The following ABCA9 variants were observed in gnomAD, a reference collection of about 807,000 sequenced individuals.
ABCA9 encodes the protein ATP-binding cassette sub-family A member 9.
A neutral mutation model predicts 205.3 loss-of-function variants in ABCA9; 183 were observed. The ratio of observed to expected loss-of-function variants is 0.89; its 90% CI spans 0.79 to 1.01. The LOEUF is 1.01. Among genes scored for constraint, ABCA9 ranks in the 50% least tolerant of loss-of-function variants. ABCA9 has a pLI of 0.00. For missense variants in ABCA9, 1,805 were observed against 1,912.4 expected (o/e 0.94, Z 1.05); for synonymous variants, 651 against 683.3 (o/e 0.95, Z 0.74).
chr17:68,985,177 C>T, intron 32 of ABCA9, 49 bp from the exon 33 acceptor site: 1 of 1,611,930 alleles, frequency 6.2e-7, no homozygotes, highest in Non-Finnish European at 8.5e-7. Flanking sequence ...GGCGAATGTA[C>T]ATGGGAGAAT....
intron 1 of ABCA9, among the ~76,000 whole-genome samples, chr17:69,055,358 A>G (rs2072037186): frequency 6.6e-6 from 1 of 152,212 alleles, no homozygotes; most frequent in African/African-American, 2.4e-5. Context: ...TAACTATATT[A>G]ATTTCAGATG....
At chr17:68,998,228 C>T (rs1598348568) in intron 25 of ABCA9, among the ~76,000 whole-genome samples, 1 of 152,326 alleles carries the variant, frequency 6.6e-6, no homozygotes, top group East Asian at 1.9e-4. Flanking sequence ...ATAATTAAAG[C>T]TGCTATAAAC....
At chr17:69,058,014 A>T (rs2072121723) in intron 1 of ABCA9, among the ~76,000 whole-genome samples, 2 of 152,218 alleles carry the variant, frequency 1.3e-5, no homozygotes, top group South Asian at 4.1e-4. Flanking sequence ...AGGGAGAATA[A>T]CAACGATGGT....
At chr17:69,015,215 C>G (rs1313438875) in intron 22 of ABCA9, among the ~76,000 whole-genome samples, 1 of 152,182 alleles carries the variant, frequency 6.6e-6, no homozygotes, top group Non-Finnish European at 1.5e-5. Flanking sequence ...ACTACCCACC[C>G]TCTTCCATGC....
At chr17:68,982,097 A>G (rs1228806532) in intron 37 of ABCA9, among the ~76,000 whole-genome samples, 1 of 152,214 alleles carries the variant, frequency 6.6e-6, no homozygotes, top group Non-Finnish European at 1.5e-5. Context: ...GCATCTATCA[A>G]TAGATGGCTA....
chr17:69,018,303 T>A, intron 20 of ABCA9, 110 bp downstream of exon 20: 1 of 1,005,898 alleles, frequency 9.9e-7, no homozygotes, highest in Non-Finnish European at 1.4e-6. Context: ...GCCTCATATA[T>A]GCTTTCTAAA....
At chr17:69,034,741 G>T (rs1297145267) in intron 8 of ABCA9, 1 of 152,184 alleles carries the variant, frequency 6.6e-6, no homozygotes, top group African/African-American at 2.4e-5. Context: ...TACTTCAGTA[G>T]TTGGGCAGAA....
chr17:68,992,247 A>G lies in ABCA9; in HGVS notation c.3644T>C (p.Ile1215Thr). The change falls in exon 28 of 39, where the codon ATT becomes ACT. Residue 1215 changes from isoleucine to threonine, a missense_variant. By Grantham distance (89) the Ile-to-Thr change is moderately conservative. Coordinates refer to ENST00000340001, the MANE Select transcript of ABCA9 (RefSeq NM_080283.4). ...ALLIPYLHFL[I>T]FLFILRCLEM... ...TAGGCATCGCAGAATGAAAAGAAAA[A>G]TGAGAAAATGAAGGTAAGGCTAGGG... 4 of 1,594,322 alleles carry G rather than the reference A, an allele frequency of 2.5e-6. No homozygotes were observed. Among genetic ancestry groups the G allele is most frequent in the Non-Finnish European group, 3.4e-6 (4 of 1,168,520 alleles).
Position 69,027,401 on chromosome 17 carries a change from G to A in ABCA9, c.1840C>T (p.Leu614Phe). 6.2e-7 allele frequency: 1 copy of A among 1,613,050 alleles called. No homozygotes were observed. The highest frequency in any genetic ancestry group is 8.5e-7 in the Non-Finnish European group (1 of 1,179,436). ...TGTCCACCACTTAAGTTTTGAGCAAGGATGTCTTGAATATTTTCCATTTCT... is the reference window on the plus strand; with the variant it reads ...TGTCCACCACTTAAGTTTTGAGCAAAGATGTCTTGAATATTTTCCATTTCT... ...ELEMENIQDI[L>F]AQNLSGGQNR... is the part of the protein sequence containing the mutation. Residue 614 changes from leucine (L) to phenylalanine (F), a missense_variant, in exon 14 of 39, where the codon CTT becomes TTT. Physicochemically the swap from Leu to Phe is conservative, Grantham distance 22 (BLOSUM62 0). Transcript: ENST00000340001.
intron 11 of ABCA9, 82 bp from the exon 12 acceptor site, chr17:69,028,727 C>A: frequency 2.7e-6 from 2 of 732,792 alleles, no homozygotes; most frequent in Non-Finnish European, 4.2e-6. Context: ...TTTTTTGCAG[C>A]ATGAATAGAT....
At position 69,058,135 on chromosome 17, in the gene ABCA9, G is replaced by C. The variant is rs1042338472; in HGVS notation, c.-14+2731C>G. 5.9e-5 allele frequency among the ~76,000 whole-genome samples: 9 copies of C among 152,316 alleles called. No individual in the cohort carries two copies. In the East Asian group the frequency reaches 1.7e-3, roughly 29 times the overall value. On this transcript the variant is annotated intron_variant, in intron 1 of 38. Coordinates refer to ENST00000340001, the MANE Select transcript of ABCA9 (RefSeq NM_080283.4). ...ATTCTAGGATGGGAAACTCACCCAG[G>C]AAATGATTCAAAGGTAGTAGTTCAA...
At chr17:68,983,672 A>C (rs747706882) in intron 36 of ABCA9, 37 bp downstream of exon 36, 1 of 1,606,806 alleles carries the variant, frequency 6.2e-7, no homozygotes, top group African/African-American at 1.3e-5. Context: ...GGAAACAAAA[A>C]CCAAGGACTG....
At chr17:69,064,878 C>T (rs2072330261), upstream of ABCA9, among the ~76,000 whole-genome samples, 1 of 152,092 alleles carries the variant, frequency 6.6e-6, no homozygotes, top group Non-Finnish European at 1.5e-5. Flanking sequence ...TTTACTATAA[C>T]AAATCTGTTC....
chr17:68,994,213 T>C (rs928050358), intron 26 of ABCA9, among the ~76,000 whole-genome samples: 1 of 152,240 alleles, frequency 6.6e-6, no homozygotes, highest in African/African-American at 2.4e-5. Flanking sequence ...ATCCTTATGC[T>C]AGTGTTCTTA....
intron 23 of ABCA9, among the ~76,000 whole-genome samples, chr17:69,009,468 A>G (rs139932966): frequency 9.2e-5 from 14 of 152,206 alleles, no homozygotes; most frequent in Admixed American, 2.0e-4. Context: ...GAGCATGGTT[A>G]TCAAGGTGTC....
chr17:68,987,754 G>GTT (rs1441587722), intron 31 of ABCA9, among the ~76,000 whole-genome samples: 19 of 85,422 alleles, frequency 2.2e-4, no homozygotes, highest in African/African-American at 5.7e-4. Context: ...TTGTTTGTTT[G>GTT]TTTGTTTGTT....
chr17:69,072,320 G>GA, the ABCA9 span, among the ~76,000 whole-genome samples: 4 of 152,076 alleles, frequency 2.6e-5, no homozygotes. Flanking sequence ...TGAAATGAGG[G>GA]AAAAAATGTT....
chr17:69,014,429 C>CA (rs1485241635), intron 22 of ABCA9, among the ~76,000 whole-genome samples: 1 of 152,016 alleles, frequency 6.6e-6, no homozygotes, highest in Non-Finnish European at 1.5e-5. Flanking sequence ...GCAAATATTC[C>CA]AAAATCTGAA....
At chr17:69,061,537 T>G (rs955730561), upstream of ABCA9, among the ~76,000 whole-genome samples, 1 of 152,182 alleles carries the variant, frequency 6.6e-6, no homozygotes, top group African/African-American at 2.4e-5. Context: ...GTAGCATCTT[T>G]CATCTTTCAT....
Sources: allele counts gnomAD v4.1 joint callset (sites outside exome capture counted in the v4.1 genomes callset), GRCh38; gene constraint gnomAD v4.1.1; transcripts MANE v1.5; gene names NCBI Gene and HGNC (gene_info 2026-07-23, HGNC 2026-07-21).